The following RABGAP1 variants were observed in gnomAD, a reference collection of about 807,000 sequenced individuals.
The protein encoded by RABGAP1 is RAB GTPase activating protein 1.
RABGAP1 carries 23 observed loss-of-function variants against 137.6 expected under a neutral mutation model. The observed-to-expected ratio is 0.17, with a 90% CI of 0.12 to 0.24. RABGAP1 has a LOEUF of 0.24. Ranked by LOEUF, RABGAP1 falls within the 10% of genes least tolerant of loss-of-function variation. The pLI, the probability that RABGAP1 is intolerant of heterozygous loss-of-function variation, is 1.00. For missense variants in RABGAP1, 906 were observed against 1,275.8 expected, an observed-to-expected ratio of 0.71 and a Z score of 4.42; for synonymous variants, 451 against 450.7, an observed-to-expected ratio of 1.00 and a Z score of -0.01.
chr9:123,002,170 G>T (rs576225662), intron 10 of RABGAP1, among the ~76,000 whole-genome samples: 1 of 151,804 alleles, frequency 6.6e-6, no homozygotes, highest in African/African-American at 2.4e-5. Context: ...GCGTAGTGGC[G>T]CATGCCTGTA....
At chr9:123,035,766 G>T (rs557261934) in intron 13 of RABGAP1, 1 of 547,398 alleles carries the variant, frequency 1.8e-6, no homozygotes, top group Non-Finnish European at 3.1e-6. Context: ...CAAATTATTC[G>T]TATGGATACC....
At chr9:122,985,611 C>CAA (rs34147826) in intron 3 of RABGAP1, among the ~76,000 whole-genome samples, 2,801 of 90,200 alleles carry the variant, frequency 0.031, 178 homozygotes, top group East Asian at 0.2. Context: ...GACTCCGTCT[C>CAA]AAAAAAAAAA....
intron 2 of RABGAP1, among the ~76,000 whole-genome samples, chr9:122,980,048 G>C (rs1444466179): frequency 6.6e-6 from 1 of 152,092 alleles, no homozygotes; most frequent in East Asian, 1.9e-4. Flanking sequence ...GGCCTAATCT[G>C]GTCTGCCACC....
intron 2 of RABGAP1, among the ~76,000 whole-genome samples, chr9:122,960,701 T>C (rs1281182149): frequency 1.3e-5 from 2 of 152,302 alleles, no homozygotes; most frequent in Admixed American, 6.5e-5. Context: ...GAGTGACTGG[T>C]TGAGTTTAAC....
chr9:122,977,170 G>A (rs914770681), intron 2 of RABGAP1, among the ~76,000 whole-genome samples: 1 of 152,162 alleles, frequency 6.6e-6, no homozygotes, highest in African/African-American at 2.4e-5. Context: ...AAGTTGAATG[G>A]TGGCCATATG....
chr9:122,942,563 G>T (rs138108332), intron 1 of RABGAP1, among the ~76,000 whole-genome samples: 1 of 150,580 alleles, frequency 6.6e-6, no homozygotes, highest in Admixed American at 6.7e-5. Context: ...CCAGCTAATC[G>T]GGAGGCTGAG....
intron 13 of RABGAP1, chr9:123,035,044 G>C: frequency 1.2e-6 from 2 of 1,614,000 alleles, no homozygotes; most frequent in Non-Finnish European, 1.7e-6. Flanking sequence ...CTCGACCCTG[G>C]TCTTCCTGCC....
chr9:123,005,443 T>A (rs766740585), intron 10 of RABGAP1, among the ~76,000 whole-genome samples: 1 of 152,234 alleles, frequency 6.6e-6, no homozygotes, highest in Non-Finnish European at 1.5e-5. Flanking sequence ...ATTATCCTGA[T>A]TTCATTTTTG....
intron 10 of RABGAP1, among the ~76,000 whole-genome samples, chr9:123,004,256 C>T (rs1183124845): frequency 6.6e-6 from 1 of 151,990 alleles, no homozygotes; most frequent in Non-Finnish European, 1.5e-5. Flanking sequence ...TTGGGGGTGA[C>T]GCTTTGGCAA....
intron 2 of RABGAP1, among the ~76,000 whole-genome samples, chr9:122,969,575 C>T (rs779958712): frequency 1.5e-4 from 23 of 151,958 alleles, no homozygotes; most frequent in Non-Finnish European, 2.8e-4. Flanking sequence ...AGATATCTTG[C>T]GCAGTGGTCC....
intron 21 of RABGAP1, among the ~76,000 whole-genome samples, chr9:123,094,992 C>T (rs879774038): frequency 6.6e-6 from 1 of 152,004 alleles, no homozygotes; most frequent in Non-Finnish European, 1.5e-5. Context: ...CTTTTTCCCA[C>T]TTTTCCATAA....
chr9:123,077,193 A>C (rs961734679), intron 19 of RABGAP1, among the ~76,000 whole-genome samples: 5 of 150,072 alleles, frequency 3.3e-5, no homozygotes, highest in Non-Finnish European at 7.4e-5. Context: ...TTTTGAGACA[A>C]GGCTAGAGTG....
intron 19 of RABGAP1, among the ~76,000 whole-genome samples, chr9:123,089,004 G>A (rs900951201): frequency 6.6e-6 from 1 of 152,166 alleles, no homozygotes; most frequent in Non-Finnish European, 1.5e-5. Flanking sequence ...ACATTAAGGA[G>A]GGGCAGGTCT....
chr9:123,052,962 A>G (rs2033551436), intron 13 of RABGAP1, among the ~76,000 whole-genome samples: 1 of 152,116 alleles, frequency 6.6e-6, no homozygotes, highest in Non-Finnish European at 1.5e-5. Flanking sequence ...AAATGAAACA[A>G]AAAACTTTGC....
chr9:122,995,203 C>G (rs1221333928), intron 6 of RABGAP1, among the ~76,000 whole-genome samples: 2 of 152,156 alleles, frequency 1.3e-5, no homozygotes, highest in East Asian at 3.8e-4. Context: ...ATAATTATTA[C>G]ACTGGTTTAT....
At chr9:123,007,553 A>ATT (rs34448685) in intron 10 of RABGAP1, among the ~76,000 whole-genome samples, 14,627 of 104,432 alleles carry the variant, frequency 0.14, 1,422 homozygotes, top group South Asian at 0.23. Flanking sequence ...AAGTTTTTGT[A>ATT]TTTTTTTTTT....
chr9:122,939,737 A>C (rs756391883), upstream of RABGAP1: 1 of 152,216 alleles, frequency 6.6e-6, no homozygotes, highest in Non-Finnish European at 1.5e-5. Flanking sequence ...GAATATCTTG[A>C]AATGGATATT....
chr9:122,984,674 C>G lies in RABGAP1; in HGVS notation c.340C>G (p.Leu114Val), dbSNP rs1444315657. ...CATTAACCCTGTGCCATTAGTAGGG[C>G]TCCAAAAACCAGAGATGAGCCTACC... ...STINPVPLVG[L>V]QKPEMSLPVK... Residue 114 changes from leucine (L) to valine (V), a missense_variant, in exon 3 of 26, where the codon CTC becomes GTC. Physicochemically the swap from Leu to Val is conservative, Grantham distance 32 (BLOSUM62 1). This residue lies in a region of RABGAP1 where 331 missense variants were observed against 358.3 expected (regional missense o/e 0.92). Coordinates refer to ENST00000373647, the MANE Select transcript of RABGAP1 (RefSeq NM_012197.4). 6.2e-7 allele frequency: 1 copy of G among 1,614,156 alleles called. No individual in the cohort carries two copies. The highest frequency in any genetic ancestry group is 1.7e-5 in the Admixed American group (1 of 60,030).
intron 12 of RABGAP1, 29 bp downstream of exon 12, chr9:123,015,665 TC>T (rs1359618601): frequency 1.4e-6 from 2 of 1,481,370 alleles, no homozygotes; most frequent in Admixed American, 3.5e-5. Context: ...GTTTTTTTTA[TC>T]TGCAATTTTC....
Sources: gnomAD v4.1 joint callset for allele counts (sites outside exome capture counted in the v4.1 genomes callset) on GRCh38, gnomAD v4.1.1 for gene constraint, gnomAD v4.1.1 regional missense constraint, MANE v1.5 for transcripts, NCBI Gene and HGNC (gene_info 2026-07-23, HGNC 2026-07-21) for gene names.